The following LRIG1 variants were observed in gnomAD, a reference collection of about 807,000 sequenced individuals.
LRIG1 encodes the protein leucine rich repeats and immunoglobulin like domains 1.
A neutral mutation model predicts 99.2 loss-of-function variants in LRIG1; 48 were observed. The ratio of observed to expected loss-of-function variants is 0.48; its 90% CI spans 0.38 to 0.62. The LOEUF is 0.62. Among genes scored for constraint, LRIG1 ranks in the 20% least tolerant of loss-of-function variants. The probability of loss-of-function intolerance (pLI) is 0.00; values close to 1 mark genes in which losing one functional copy is unlikely to be tolerated. For missense variants in LRIG1, 1,646 were observed against 1,434.4 expected, an observed-to-expected ratio of 1.15 and a Z score of -2.38; for synonymous variants, 772 against 596.1, an observed-to-expected ratio of 1.29 and a Z score of -4.30.
chr3:66,449,386 G>A (rs542411503), intron 3 of LRIG1, among the ~76,000 whole-genome samples: 2 of 152,296 alleles, frequency 1.3e-5, no homozygotes, highest in East Asian at 1.9e-4. Context: ...AGAGCTGGCT[G>A]CCAGTGCTAA....
At chr3:66,460,421 C>T (rs6806130) in intron 2 of LRIG1, among the ~76,000 whole-genome samples, 145,866 of 152,250 alleles carry the variant, frequency 0.96, 70,113 homozygotes, top group Non-Finnish European at 1. Context: ...CCCCTAGGGT[C>T]CATATGCTGA....
chr3:66,383,357 C>G lies in LRIG1; in HGVS notation c.2116G>C (p.Val706Leu), dbSNP rs771808659. Residue 706 changes from valine to leucine, a missense_variant, in exon 15 of 19, where the codon GTG becomes CTG. Transcript: ENST00000273261. ...VVPLEDRVVS[V>L]GETVALQCKA... ...CATTGGAGGGCCACTGTTTCTCCCACAGATACCACACGGTCTTCCAAGGGG... is the reference window on the plus strand; with the variant it reads ...CATTGGAGGGCCACTGTTTCTCCCAGAGATACCACACGGTCTTCCAAGGGG... 2 of 1,585,340 alleles carry G rather than the reference C, an allele frequency of 1.3e-6. No homozygotes were observed. The highest frequency in any genetic ancestry group is 2.3e-5 in the South Asian group (2 of 86,968).
At chr3:66,463,386 G>A (rs571632462) in intron 1 of LRIG1, among the ~76,000 whole-genome samples, 63 of 152,318 alleles carry the variant, frequency 4.1e-4, no homozygotes, top group African/African-American at 1.4e-3. Flanking sequence ...CACAGGCAGG[G>A]AAAGCCTCAC....
chr3:66,392,093 T>G (rs1701642424), intron 12 of LRIG1, among the ~76,000 whole-genome samples: 1 of 152,242 alleles, frequency 6.6e-6, no homozygotes, highest in Non-Finnish European at 1.5e-5. Flanking sequence ...CCACTTAGCA[T>G]GACATTGTCA....
intron 13 of LRIG1, 63 bp from the exon 14 acceptor site, chr3:66,384,335 T>G: frequency 1.3e-6 from 2 of 1,521,512 alleles, no homozygotes; most frequent in Non-Finnish European, 1.8e-6. Flanking sequence ...CAGGAAGTCC[T>G]CTGGCAAACA....
At chr3:66,492,890 C>T (rs778449938) in intron 1 of LRIG1, among the ~76,000 whole-genome samples, 1 of 152,164 alleles carries the variant, frequency 6.6e-6, no homozygotes, top group African/African-American at 2.4e-5. Context: ...GGAAGGAACT[C>T]AGGTACAGGT....
chr3:66,416,336 AC>A (rs1702613055), intron 4 of LRIG1, among the ~76,000 whole-genome samples: 1 of 151,800 alleles, frequency 6.6e-6, no homozygotes, highest in Admixed American at 6.6e-5. Context: ...GCCAAACCTC[AC>A]CCTCCCTGAA....
chr3:66,426,347 G>A (rs1362389657), intron 3 of LRIG1, among the ~76,000 whole-genome samples: 1 of 152,168 alleles, frequency 6.6e-6, no homozygotes, highest in Non-Finnish European at 1.5e-5. Context: ...CAAGCAGTGG[G>A]CCAGGATTGG....
intron 1 of LRIG1, chr3:66,468,981 T>G (rs932163104): frequency 6.6e-6 from 1 of 152,252 alleles, no homozygotes; most frequent in Non-Finnish European, 1.5e-5. Flanking sequence ...TTAGATGTTC[T>G]TACCTTTTTT....
At chr3:66,415,828 T>C (rs1018573975) in intron 4 of LRIG1, among the ~76,000 whole-genome samples, 2 of 152,214 alleles carry the variant, frequency 1.3e-5, no homozygotes, top group South Asian at 2.1e-4. Context: ...CAATATGGCA[T>C]TCCTGTGAGA....
rs752319814 is a variant in LRIG1 at position 66,394,201 on chromosome 3, T to A, written c.1307A>T (p.His436Leu). 3 of 1,584,286 alleles carry A rather than the reference T, an allele frequency of 1.9e-6. No individual in the cohort carries two copies. The East Asian group carries it at 6.7e-5, about 36-fold the overall frequency. ...FVKMKNLKELHISSDSFLCDC... is the reference protein window; with the variant it reads ...FVKMKNLKELLISSDSFLCDC... ...ACACAGGAAGCTGTCGCTGCTGATA[T>A]GGCTGAAAGAAACACAACAGTGGAT... Residue 436 changes from histidine (H) to leucine (L), a missense_variant and splice_region_variant, in exon 12 of 19, where the codon CAT (histidine) becomes CTT (leucine). Physicochemically the swap from His to Leu is moderately conservative, Grantham distance 99. Coordinates refer to ENST00000273261, the MANE Select transcript of LRIG1 (RefSeq NM_015541.3).
At chr3:66,441,491 AG>A (rs937746072) in intron 3 of LRIG1, among the ~76,000 whole-genome samples, 6 of 152,214 alleles carry the variant, frequency 3.9e-5, no homozygotes, top group African/African-American at 1.4e-4. Flanking sequence ...GAAAGATAGT[AG>A]GGGGAAGGAC....
chr3:66,380,762 G>A lies in LRIG1; in HGVS notation c.2870C>T (p.Ala957Val). The change falls in exon 18 of 19, where the codon GCA becomes GTA. Residue 957 changes from alanine (A) to valine (V), a missense_variant. Physicochemically the swap from Ala to Val is moderately conservative, Grantham distance 64. Coordinates refer to ENST00000273261, the MANE Select transcript of LRIG1 (RefSeq NM_015541.3). The part of the protein sequence containing the change: ...FHPQPVSRDS[A>V]QPSAPNGPEP... ...CGGGCCATTTGGCGCACTTGGCTGT[G>A]CGCTGTCTCTGGACACAGGCTGGGG... The A allele has an allele frequency of 6.2e-7, 1 of 1,614,210 alleles. No individual in the cohort carries two copies. The highest frequency in any genetic ancestry group is 1.1e-5 in the South Asian group (1 of 91,084).
intron 12 of LRIG1, among the ~76,000 whole-genome samples, chr3:66,389,487 G>C (rs573532943): frequency 6.6e-6 from 1 of 152,140 alleles, no homozygotes; most frequent in Admixed American, 6.5e-5. Context: ...TGGATTCAAA[G>C]ATACAAATAA....
At chr3:66,399,133 A>G (rs370721282) in intron 9 of LRIG1, 92 bp from the exon 10 acceptor site, 18 of 1,021,564 alleles carry the variant, frequency 1.8e-5, no homozygotes, top group Middle Eastern at 2.0e-4. Flanking sequence ...AAAACACACA[A>G]TTAAGGTAGT....
intron 2 of LRIG1, among the ~76,000 whole-genome samples, chr3:66,461,691 T>C (rs13092739): frequency 0.044 from 6,732 of 152,294 alleles, 217 homozygotes; most frequent in Non-Finnish European, 0.064. Context: ...TTCTACAATA[T>C]GTATACTACA....
At chr3:66,392,451 T>C (rs1349152224) in intron 12 of LRIG1, among the ~76,000 whole-genome samples, 3 of 152,170 alleles carry the variant, frequency 2.0e-5, no homozygotes, top group Non-Finnish European at 2.9e-5. Context: ...ACACTTGTTA[T>C]TATCTGAGTT....
intron 3 of LRIG1, among the ~76,000 whole-genome samples, chr3:66,422,666 T>G (rs1240860442): frequency 1.3e-5 from 2 of 152,222 alleles, no homozygotes; most frequent in Non-Finnish European, 2.9e-5. Flanking sequence ...TCCAAAGTGC[T>G]CCAACCTCTG....
At chr3:66,492,914 T>C (rs1029709390) in intron 1 of LRIG1, among the ~76,000 whole-genome samples, 5 of 152,188 alleles carry the variant, frequency 3.3e-5, no homozygotes, top group South Asian at 2.1e-4. Flanking sequence ...CAAGGAGTGA[T>C]AGCAAACAGT....
Sources: allele counts gnomAD v4.1 joint callset (sites outside exome capture counted in the v4.1 genomes callset), GRCh38; gene constraint gnomAD v4.1.1; transcripts MANE v1.5; gene names NCBI Gene and HGNC (gene_info 2026-07-23, HGNC 2026-07-21).